Variants in PLTP observed in about 807,000 individuals in gnomAD.
The protein encoded by PLTP is BPI fold containing family E.
In PLTP, 43 loss-of-function variants were observed where a neutral mutation model predicts 54.1. That is an observed-to-expected ratio of 0.79 (90% CI 0.62 to 1.02). PLTP has a LOEUF of 1.02. PLTP is among the 50% of genes least tolerant of loss of function. The pLI is 0.00. For synonymous variants in PLTP, 263 were observed against 264.6 expected, an observed-to-expected ratio of 0.99 and a Z score of 0.06; for missense variants, 604 against 645.9, an observed-to-expected ratio of 0.94 and a Z score of 0.70.
At position 45,904,967 on chromosome 20, in the gene PLTP, A is replaced by C; in HGVS notation, c.857T>G (p.Leu286Arg). Reference protein sequence around the residue: ...AMESYFRAGALQLLLVGDKVP... With the variant: ...AMESYFRAGARQLLLVGDKVP... ...CTTGTCCCCCACCAGCAACAGCTGC[A>C]GGGCCCCCGCCCGGAAGTAGCTCTC... Residue 286 changes from leucine (L) to arginine (R), a missense_variant, in exon 9 of 16, where the codon CTG (leucine) becomes CGG (arginine). Coordinates refer to ENST00000372431, the MANE Select transcript of PLTP (RefSeq NM_006227.4). The C allele has an allele frequency of 6.2e-7, 1 of 1,614,248 alleles. No homozygotes were observed. The highest frequency in any genetic ancestry group is 8.5e-7 in the Non-Finnish European group (1 of 1,180,040).
Position 45,906,366 on chromosome 20 carries a change from G to A in PLTP, c.614-7C>T. The A allele has an allele frequency of 6.2e-7, 1 of 1,610,482 alleles. No individual in the cohort carries two copies. The highest frequency in any genetic ancestry group is 8.5e-7 in the Non-Finnish European group (1 of 1,177,512). Reference sequence around the variant, plus strand: ...TCGTCCACAGAACTGCGCACTGCAGGAAGGGGCTCAAGTCACTCACGGCTG... The same window carrying A: ...TCGTCCACAGAACTGCGCACTGCAGAAAGGGGCTCAAGTCACTCACGGCTG... On this transcript the variant is annotated splice_polypyrimidine_tract_variant and splice_region_variant and intron_variant, in intron 7 of 15. Coordinates refer to ENST00000372431, the MANE Select transcript of PLTP (RefSeq NM_006227.4).
At chr20:45,909,456 G>A (rs1475243427) in intron 5 of PLTP, 60 bp downstream of exon 5, 4 of 1,575,738 alleles carry the variant, frequency 2.5e-6, no homozygotes, top group Admixed American at 1.7e-5. Context: ...TTTGCATTGC[G>A]CTAGGCAGAT....
chr20:45,907,191 G>A (rs1425953707), intron 7 of PLTP, among the ~76,000 whole-genome samples: 1 of 151,496 alleles, frequency 6.6e-6, no homozygotes, highest in African/African-American at 2.4e-5. Context: ...GTTGGGCATG[G>A]TGGTGCACGC....
rs372689617 is a variant in PLTP, at chr20:45,899,547, G to A, written c.1283-9C>T. 15 of 1,614,034 alleles carry A rather than the reference G, an allele frequency of 9.3e-6. No homozygotes were observed. The highest frequency in any genetic ancestry group is 6.7e-5 in the African/African-American group (5 of 74,912). On this transcript the variant is annotated splice_polypyrimidine_tract_variant and intron_variant, in intron 14 of 15. Coordinates refer to ENST00000372431, the MANE Select transcript of PLTP (RefSeq NM_006227.4). ...CCCACGCCAGGTCCGCTCTGTGGGT[G>A]GGAGCACCCCGCTCAGTCTGGGCCC...
In PLTP at chr20:45,909,981, A is replaced by G. The variant is rs754496860; in HGVS notation, c.290T>C (p.Leu97Ser). The G allele has an allele frequency of 1.2e-6, 2 of 1,614,088 alleles. No homozygotes were observed. Among genetic ancestry groups the G allele is most frequent in the South Asian group, 1.1e-5 (1 of 91,076 alleles). ...ELMLQITNAS[L>S]GLRFRRQLLY... ...CAGCTGTCTCCGGAAGCGCAGCCCC[A>G]AGGAGGCATTGGTGATTTGAAGCAT... The change falls in exon 4 of 16, where the codon TTG becomes TCG. Residue 97 changes from leucine (L) to serine (S), a missense_variant. Coordinates refer to ENST00000372431, the MANE Select transcript of PLTP (RefSeq NM_006227.4).
intron 15 of PLTP, 35 bp from the exon 16 acceptor site, chr20:45,899,098 T>G: frequency 6.2e-7 from 1 of 1,613,894 alleles, no homozygotes; most frequent in Non-Finnish European, 8.5e-7. Flanking sequence ...ATTTATTCAT[T>G]CAGTTATTGA....
At chr20:45,911,497 A>G in intron 1 of PLTP, 34 bp from the exon 2 acceptor site, 1 of 1,599,100 alleles carries the variant, frequency 6.3e-7, no homozygotes. Context: ...GAGTTATCTG[A>G]GCCGCTTAAA....
At chr20:45,911,604 C>T (rs951494943) in intron 1 of PLTP, 141 bp from the exon 2 acceptor site, 4 of 1,150,000 alleles carry the variant, frequency 3.5e-6, no homozygotes, top group South Asian at 2.8e-5. Context: ...ATCTTGCCTC[C>T]ATATGGCAGA....
intron 3 of PLTP, chr20:45,910,923 TG>T: frequency 7.0e-7 from 1 of 1,421,062 alleles, no homozygotes; most frequent in Non-Finnish European, 9.2e-7. Context: ...GCTTCCTTCT[TG>T]GCCCCCTCTA....
At chr20:45,911,315 T>G (rs1247278602) in intron 2 of PLTP, 38 bp downstream of exon 2, 1 of 1,613,826 alleles carries the variant, frequency 6.2e-7, no homozygotes, top group Non-Finnish European at 8.5e-7. Context: ...CCCAACCCCG[T>G]CCGCTCCCGT....
intron 12 of PLTP, 52 bp downstream of exon 12, chr20:45,902,215 C>G: frequency 6.4e-7 from 1 of 1,572,796 alleles, no homozygotes; most frequent in Non-Finnish European, 8.7e-7. Flanking sequence ...TCCCTGTGGA[C>G]AGGTGTGATT....
intron 13 of PLTP, 36 bp downstream of exon 13, chr20:45,899,800 G>A (rs776915914): frequency 5.3e-5 from 78 of 1,482,256 alleles, no homozygotes; most frequent in Middle Eastern, 3.6e-4. Context: ...AGGATCTCAC[G>A]AACCCAGCCC....
intron 10 of PLTP, 126 bp downstream of exon 10, chr20:45,904,674 G>A (rs567050057): frequency 2.1e-4 from 179 of 858,730 alleles, no homozygotes; most frequent in African/African-American, 1.6e-3. Flanking sequence ...ACAAGGCGAG[G>A]GGGATTGGCC....
At chr20:45,911,780 T>C (rs2083296657) in intron 1 of PLTP, 1 of 449,416 alleles carries the variant, frequency 2.2e-6, no homozygotes, top group East Asian at 4.5e-5. Context: ...CCCCTTTCCT[T>C]TAGCGGTGGG....
intron 3 of PLTP, 63 bp from the exon 4 acceptor site, chr20:45,910,133 A>T: frequency 6.3e-7 from 1 of 1,585,474 alleles, no homozygotes; most frequent in East Asian, 2.2e-5. Flanking sequence ...AACGACAGGA[A>T]ATTTGTCTGC....
At chr20:45,903,952 A>T (rs917122863) in intron 10 of PLTP, among the ~76,000 whole-genome samples, 1 of 151,396 alleles carries the variant, frequency 6.6e-6, no homozygotes, top group African/African-American at 2.4e-5. Flanking sequence ...TCCTACCTTG[A>T]CCTCTCAAAG....
chr20:45,899,170 A>G, intron 15 of PLTP, 107 bp from the exon 16 acceptor site: 1 of 1,486,650 alleles, frequency 6.7e-7, no homozygotes. Context: ...TCTAATGGAT[A>G]ATTCCATGTC....
chr20:45,905,158 G>C, intron 8 of PLTP, 40 bp from the exon 9 acceptor site: 4 of 1,585,680 alleles, frequency 2.5e-6, no homozygotes, highest in Non-Finnish European at 3.5e-6. Flanking sequence ...AGGCAGACTG[G>C]CCTGGCACCT....
In PLTP at chr20:45,899,068, G is replaced by A. The variant is rs765611925; in HGVS notation, c.1360-5C>T. On this transcript the variant is annotated splice_polypyrimidine_tract_variant and splice_region_variant and intron_variant, in intron 15 of 15. Transcript: ENST00000372431. The stretch of plus-strand genomic sequence containing the variant: ...AGCCCCGATGGTGAGGAATCCCTGT[G>A]TTGGGGAGAGGGGAGCCTCATTTAT... 58 of 1,614,084 alleles carry A rather than the reference G, an allele frequency of 3.6e-5. No homozygotes were observed. The highest frequency in any genetic ancestry group is 4.9e-5 in the Non-Finnish European group (58 of 1,180,038).
Sources: gnomAD v4.1 joint callset for allele counts (sites outside exome capture counted in the v4.1 genomes callset) on GRCh38, gnomAD v4.1.1 for gene constraint, MANE v1.5 for transcripts, NCBI Gene and HGNC (gene_info 2026-07-23, HGNC 2026-07-21) for gene names.